The following DLGAP1 variants were observed in gnomAD, a reference collection of about 807,000 sequenced individuals.
The protein encoded by DLGAP1 is DLG associated protein 1, also known as disks large-associated protein 1.
A neutral mutation model predicts 90.8 loss-of-function variants in DLGAP1; 11 were observed. The ratio of observed to expected loss-of-function variants is 0.12; its 90% CI spans 0.08 to 0.20. The LOEUF (loss-of-function observed/expected upper bound fraction) is 0.20, where lower values mean the gene tolerates loss of function less well. Ranked by LOEUF, DLGAP1 falls within the 10% of genes least tolerant of loss-of-function variation. The pLI, the probability that DLGAP1 is intolerant of heterozygous loss-of-function variation, is 1.00. For missense variants in DLGAP1, 1,050 were observed against 1,333.8 expected (o/e 0.79, Z 3.31); for synonymous variants, 558 against 540.7 (o/e 1.03, Z -0.44).
intron 1 of DLGAP1, among the ~76,000 whole-genome samples, chr18:4,387,936 C>T (rs1431086871): frequency 1.6e-5 from 2 of 124,484 alleles, no homozygotes; most frequent in Non-Finnish European, 3.4e-5. Context: ...CACATACACA[C>T]ACACACACAC....
rs1417411240 is a variant in DLGAP1 at position 3,879,295 on chromosome 18, C to G, written c.774G>C (p.Lys258Asn). The G allele has an allele frequency of 2.5e-6, 4 of 1,596,452 alleles. No homozygotes were observed. In the African/African-American group the frequency reaches 4.0e-5, roughly 16 times the overall value. ...VKASRSNNDVKCSTCANLPVS... is the reference protein window; with the variant it reads ...VKASRSNNDVNCSTCANLPVS... The stretch of plus-strand genomic sequence containing the variant: ...CCGGCAGGTTGGCGCAGGTGGAGCA[C>G]TTGACGTCGTTGTTGCTCCGGGAGG... Residue 258 changes from lysine (K) to asparagine (N), a missense_variant, in exon 4 of 13, where the codon AAG becomes AAC. Transcript: ENST00000315677. This position sits in a 1 kb window ranked among gnomAD's most constrained non-coding sequence, Gnocchi z 6.6.
intron 1 of DLGAP1, among the ~76,000 whole-genome samples, chr18:4,152,885 C>T (rs2076697656): frequency 6.6e-6 from 1 of 152,032 alleles, no homozygotes; most frequent in African/African-American, 2.4e-5. Flanking sequence ...ACTTTCTTCC[C>T]CACATATATG....
chr18:3,707,605 AAG>A (rs1186973624), intron 7 of DLGAP1, among the ~76,000 whole-genome samples: 2 of 141,226 alleles, frequency 1.4e-5, no homozygotes, highest in East Asian at 5.0e-4. Flanking sequence ...CTCCATCTCA[AAG>A]AAAAAAAAAA....
chr18:4,247,604 C>T lies in DLGAP1; in HGVS notation c.-266-96317G>A, dbSNP rs1029083283. Among the ~76,000 whole-genome samples, 10 of 151,968 alleles carry T rather than the reference C, an allele frequency of 6.6e-5. 1 individual carries two copies. The highest frequency in any genetic ancestry group is 1.9e-4 in the East Asian group (1 of 5,178). On this transcript the variant is annotated intron_variant, in intron 1 of 12. Coordinates refer to ENST00000315677, the MANE Select transcript of DLGAP1 (RefSeq NM_004746.4). ...CAGTCTGCCCAACATGGCAAAACCC[C>T]GTCTCTACTAAAAATACAAAAAATT...
chr18:3,885,729 A>G (rs534788583), intron 3 of DLGAP1, among the ~76,000 whole-genome samples: 15 of 152,220 alleles, frequency 9.9e-5, no homozygotes, highest in African/African-American at 2.9e-4. Context: ...TCTAAGTTCA[A>G]TTTTACCATT....
intron 9 of DLGAP1, among the ~76,000 whole-genome samples, chr18:3,539,828 A>G (rs920385126): frequency 6.6e-6 from 1 of 152,212 alleles, no homozygotes; most frequent in African/African-American, 2.4e-5. Context: ...TTTTTAGGAG[A>G]GTAGCTTAGT....
intron 9 of DLGAP1, among the ~76,000 whole-genome samples, chr18:3,535,403 T>G (rs2052297229): frequency 6.6e-6 from 1 of 152,016 alleles, no homozygotes; most frequent in Non-Finnish European, 1.5e-5. Context: ...GTCGGGGTAA[T>G]TTGCTTAGAA....
At chr18:3,929,905 C>A (rs2072478576) in intron 3 of DLGAP1, among the ~76,000 whole-genome samples, 2 of 152,284 alleles carry the variant, frequency 1.3e-5, no homozygotes, top group South Asian at 4.1e-4. Context: ...GGAATGACTG[C>A]ACCAAAGTCT....
chr18:3,568,463 A>C (rs963300995), intron 8 of DLGAP1, among the ~76,000 whole-genome samples: 4 of 152,104 alleles, frequency 2.6e-5, no homozygotes, highest in Non-Finnish European at 5.9e-5. Context: ...TCCAACCCAA[A>C]TTTGAAGAAA....
At chr18:3,621,687 T>C (rs1329444803) in intron 7 of DLGAP1, among the ~76,000 whole-genome samples, 1 of 152,232 alleles carries the variant, frequency 6.6e-6, no homozygotes, top group Non-Finnish European at 1.5e-5. Flanking sequence ...CACTGGAGTC[T>C]CTCTGAGCTA....
intron 2 of DLGAP1, among the ~76,000 whole-genome samples, chr18:4,018,880 G>A (rs2074564103): frequency 6.6e-6 from 1 of 152,174 alleles, no homozygotes; most frequent in Non-Finnish European, 1.5e-5. Flanking sequence ...GGGGGGTCAA[G>A]GTTCAATAAG....
chr18:4,044,919 T>G (rs1017646965), intron 2 of DLGAP1, among the ~76,000 whole-genome samples: 16 of 152,090 alleles, frequency 1.1e-4, no homozygotes, highest in Admixed American at 7.2e-4. Context: ...TGTTGAATTT[T>G]TTCATTCTTC....
chr18:4,355,477 G>C (rs1261598046), intron 1 of DLGAP1, among the ~76,000 whole-genome samples: 1 of 152,186 alleles, frequency 6.6e-6, no homozygotes, highest in South Asian at 2.1e-4. Context: ...TAAAGGAATA[G>C]AATAAGGGTG....
At chr18:3,531,261 A>AC (rs1328870502) in intron 10 of DLGAP1, among the ~76,000 whole-genome samples, 2 of 151,824 alleles carry the variant, frequency 1.3e-5, no homozygotes, top group African/African-American at 4.8e-5. Context: ...ACATGGTGAA[A>AC]CCCCGTCTCT....
chr18:3,597,312 T>C, intron 7 of DLGAP1: 2 of 463,666 alleles, frequency 4.3e-6, no homozygotes, highest in Non-Finnish European at 8.4e-6. Flanking sequence ...CGCAACAGGC[T>C]ATGAAGACTC....
intron 3 of DLGAP1, among the ~76,000 whole-genome samples, chr18:3,890,018 C>T (rs1296942672): frequency 6.6e-6 from 1 of 152,156 alleles, no homozygotes; most frequent in Non-Finnish European, 1.5e-5. Flanking sequence ...GGGTGAGACT[C>T]TGTGGTCATC....
chr18:3,502,688 C>T, intron 11 of DLGAP1, 43 bp from the exon 12 acceptor site: 1 of 1,582,040 alleles, frequency 6.3e-7, no homozygotes, highest in South Asian at 1.2e-5. Flanking sequence ...AGAAGCAATT[C>T]TTGACAAGCA....
At chr18:4,192,839 A>T (rs1022108645) in intron 1 of DLGAP1, among the ~76,000 whole-genome samples, 1 of 152,140 alleles carries the variant, frequency 6.6e-6, no homozygotes, top group Non-Finnish European at 1.5e-5. Flanking sequence ...GGAATTTAGG[A>T]TATGTTCTGG....
intron 2 of DLGAP1, among the ~76,000 whole-genome samples, chr18:4,124,673 T>C (rs1324518759): frequency 6.6e-6 from 1 of 152,248 alleles, no homozygotes; most frequent in African/African-American, 2.4e-5. Context: ...CAATACTTTG[T>C]ATTTTCTATT....
Sources: allele counts gnomAD v4.1 joint callset (sites outside exome capture counted in the v4.1 genomes callset), GRCh38; gene constraint gnomAD v4.1.1; non-coding constraint Gnocchi (gnomAD v3.1); transcripts MANE v1.5; gene names NCBI Gene and HGNC (gene_info 2026-07-23, HGNC 2026-07-21).